Variants in RTN1 observed in about 807,000 individuals in gnomAD.
RTN1 encodes the protein reticulon 1, also known as reticulon-1.
A neutral mutation model predicts 65.5 loss-of-function variants in RTN1; 25 were observed. That is an observed-to-expected ratio of 0.38 (90% CI 0.28 to 0.53). The LOEUF (loss-of-function observed/expected upper bound fraction) is 0.53, where lower values mean the gene tolerates loss of function less well. Among genes scored for constraint, RTN1 ranks in the 20% least tolerant of loss-of-function variants. The pLI is 0.79. For synonymous variants in RTN1, 471 were observed against 447.6 expected, an observed-to-expected ratio of 1.05 and a Z score of -0.66; for missense variants, 983 against 1,025.4, an observed-to-expected ratio of 0.96 and a Z score of 0.57.
intron 3 of RTN1, among the ~76,000 whole-genome samples, chr14:59,685,735 C>A (rs1883833730): frequency 6.6e-6 from 1 of 152,088 alleles, no homozygotes; most frequent in South Asian, 2.1e-4. Context: ...ACATGTCCAT[C>A]CTACCCAAAA....
chr14:59,820,201 G>A (rs1049125708), intron 1 of RTN1, among the ~76,000 whole-genome samples: 1 of 151,568 alleles, frequency 6.6e-6, no homozygotes, highest in African/African-American at 2.4e-5. Flanking sequence ...CTTTTGAGAA[G>A]TGTCTATTCA....
intron 1 of RTN1, among the ~76,000 whole-genome samples, chr14:59,843,624 T>C (rs1887353989): frequency 6.6e-6 from 1 of 152,094 alleles, no homozygotes; most frequent in South Asian, 2.1e-4. Context: ...AAAAATAAGC[T>C]AAAAAAAGTT....
At chr14:59,852,747 T>C (rs932664585) in intron 1 of RTN1, among the ~76,000 whole-genome samples, 5 of 152,188 alleles carry the variant, frequency 3.3e-5, no homozygotes, top group East Asian at 1.9e-4. Flanking sequence ...GGAAAGAGTA[T>C]GGCTTAGTAA....
At chr14:59,835,732 G>T (rs891568829) in intron 1 of RTN1, among the ~76,000 whole-genome samples, 1 of 152,032 alleles carries the variant, frequency 6.6e-6, no homozygotes, top group African/African-American at 2.4e-5. Context: ...TTATGTTAAG[G>T]CTGTGATTAT....
At chr14:59,703,750 G>T (rs1884230795) in intron 3 of RTN1, among the ~76,000 whole-genome samples, 1 of 152,286 alleles carries the variant, frequency 6.6e-6, no homozygotes, top group African/African-American at 2.4e-5. Context: ...TGTATAAGAT[G>T]TAACAACAAA....
chr14:59,814,308 C>T lies in RTN1; in HGVS notation c.241+56082G>A, dbSNP rs758630646. On this transcript the variant is annotated intron_variant, in intron 1 of 8. Transcript: ENST00000267484. ...TACTGGATTTATATCACGGCAGACGCTGAAAGTTGGACATCCACAAAAGTC... is the reference window on the plus strand; with the variant it reads ...TACTGGATTTATATCACGGCAGACGTTGAAAGTTGGACATCCACAAAAGTC... Among the ~76,000 whole-genome samples the T allele has an allele frequency of 1.0e-3, 157 of 152,310 alleles. 2 individuals are homozygous for T. The highest frequency in any genetic ancestry group is 3.4e-3 in the Middle Eastern group (1 of 294).
At chr14:59,671,199 A>G (rs920201647) in intron 3 of RTN1, among the ~76,000 whole-genome samples, 2 of 152,226 alleles carry the variant, frequency 1.3e-5, no homozygotes, top group Non-Finnish European at 2.9e-5. Flanking sequence ...GTGGAAAAAA[A>G]AGAGAAAATG....
At chr14:59,633,745 CT>C (rs1882605035) in intron 3 of RTN1, among the ~76,000 whole-genome samples, 1 of 152,224 alleles carries the variant, frequency 6.6e-6, no homozygotes, top group African/African-American at 2.4e-5. Context: ...GAAGTGATTT[CT>C]TTACTTTTCA....
intron 3 of RTN1, among the ~76,000 whole-genome samples, chr14:59,678,742 C>T (rs1566682566): frequency 6.6e-6 from 1 of 152,150 alleles, no homozygotes. Flanking sequence ...GTGGAAGAGA[C>T]TTTAACAGAC....
intron 1 of RTN1, among the ~76,000 whole-genome samples, chr14:59,839,531 G>C (rs1887272976): frequency 6.6e-6 from 1 of 152,100 alleles, no homozygotes. Context: ...TTAACTGTTT[G>C]ACTATTATCC....
rs751919349 is a variant in RTN1 at position 59,746,217 on chromosome 14, T to A, written c.506A>T (p.Glu169Val). The A allele has an allele frequency of 1.2e-6, 2 of 1,612,574 alleles. No individual in the cohort carries two copies. Among genetic ancestry groups the A allele is most frequent in the African/African-American group, 1.3e-5 (1 of 74,818 alleles). The change falls in exon 2 of 9, where the codon GAG becomes GTG. Residue 169 changes from glutamate (E) to valine (V), a missense_variant. Glu to Val is a moderately radical substitution (Grantham distance 121). Around this residue, in one of 2 missense-constraint regions of RTN1, gnomAD observed 818 missense variants for 801.8 expected, o/e 1.02. Coordinates refer to ENST00000267484, the MANE Select transcript of RTN1 (RefSeq NM_021136.3). ...RGLFSSDSGI[E>V]MTPAESTEVN... is the part of the protein sequence containing the mutation. Reference sequence around the variant, plus strand: ...TTCCGTGGACTCTGCAGGAGTCATCTCTATTCCAGAATCAGAACTAAATAA... The same window carrying A: ...TTCCGTGGACTCTGCAGGAGTCATCACTATTCCAGAATCAGAACTAAATAA...
chr14:59,754,877 C>T (rs189078489), intron 1 of RTN1, among the ~76,000 whole-genome samples: 27 of 152,206 alleles, frequency 1.8e-4, no homozygotes, highest in African/African-American at 5.5e-4. Flanking sequence ...AGTCCAAGGC[C>T]ATGCTGTCTT....
chr14:59,657,207 G>A (rs916005381), intron 3 of RTN1, among the ~76,000 whole-genome samples: 6 of 152,126 alleles, frequency 3.9e-5, no homozygotes, highest in Non-Finnish European at 8.8e-5. Context: ...TCAGGAGTTA[G>A]AGACCAGCCT....
intron 1 of RTN1, among the ~76,000 whole-genome samples, chr14:59,749,904 C>A (rs1249817340): frequency 9.3e-6 from 1 of 107,360 alleles, no homozygotes; most frequent in Non-Finnish European, 1.7e-5. Flanking sequence ...TATATTCCTC[C>A]TGGGAATCAA....
At chr14:59,747,954 A>G (rs1885263585) in intron 1 of RTN1, among the ~76,000 whole-genome samples, 1 of 152,218 alleles carries the variant, frequency 6.6e-6, no homozygotes, top group African/African-American at 2.4e-5. Context: ...CTAACATGCG[A>G]GTGCTTGCTA....
At chr14:59,789,847 G>A (rs1328863308) in intron 1 of RTN1, among the ~76,000 whole-genome samples, 1 of 151,832 alleles carries the variant, frequency 6.6e-6, no homozygotes, top group East Asian at 1.9e-4. Context: ...ATAAAGAACT[G>A]ATAGGTATCA....
intron 1 of RTN1, among the ~76,000 whole-genome samples, chr14:59,783,026 T>A (rs1177560417): frequency 1.3e-5 from 2 of 152,072 alleles, no homozygotes; most frequent in Non-Finnish European, 2.9e-5. Flanking sequence ...TCCCATTTAC[T>A]CCCCACAACC....
rs985509621 is a variant in RTN1 at position 59,717,928 on chromosome 14, C to T, written c.1765+8991G>A. Reference sequence around the variant, plus strand: ...CAAGTTCTCTGCCTACAATTAACTGCGGAGCTACTTAATGAAGCAGATGCA... The same window carrying T: ...CAAGTTCTCTGCCTACAATTAACTGTGGAGCTACTTAATGAAGCAGATGCA... On this transcript the variant is annotated intron_variant, in intron 3 of 8. Transcript: ENST00000267484. 2.0e-5 allele frequency among the ~76,000 whole-genome samples: 3 copies of T among 152,290 alleles called. No individual in the cohort carries two copies. The East Asian group carries it at 5.8e-4, about 29-fold the overall frequency.
intron 1 of RTN1, among the ~76,000 whole-genome samples, chr14:59,793,162 T>C (rs1886380036): frequency 6.6e-6 from 1 of 152,228 alleles, no homozygotes; most frequent in South Asian, 2.1e-4. Context: ...AACAGTGACC[T>C]GGCATTCACA....
Sources: gnomAD v4.1 joint callset for allele counts (sites outside exome capture counted in the v4.1 genomes callset) on GRCh38, gnomAD v4.1.1 for gene constraint, gnomAD v4.1.1 regional missense constraint, MANE v1.5 for transcripts, NCBI Gene and HGNC (gene_info 2026-07-23, HGNC 2026-07-21) for gene names.